Variants in ABHD13 observed in about 807,000 individuals in gnomAD.
ABHD13 encodes the protein abhydrolase domain containing 13, also known as protein ABHD13.
ABHD13 carries 7 observed loss-of-function variants against 25.2 expected under a neutral mutation model. The observed-to-expected ratio is 0.28, with a 90% CI of 0.16 to 0.52. The LOEUF (loss-of-function observed/expected upper bound fraction) is 0.52. Among genes scored for constraint, ABHD13 ranks in the 20% least tolerant of loss-of-function variants. The pLI, the probability that ABHD13 is intolerant of heterozygous loss-of-function variation, is 0.96. For synonymous variants in ABHD13, 133 were observed against 136.1 expected, an observed-to-expected ratio of 0.98 and a Z score of 0.16; for missense variants, 302 against 402.7, an observed-to-expected ratio of 0.75 and a Z score of 2.14.
At chr13:108,221,886 TG>T (rs1879576641) in intron 1 of ABHD13, among the ~76,000 whole-genome samples, 1 of 152,028 alleles carries the variant, frequency 6.6e-6, no homozygotes, top group Middle Eastern at 3.2e-3. Flanking sequence ...TCACCCAGGT[TG>T]GAGTGCAGTG....
chr13:108,219,391 G>A (rs1879493677), intron 1 of ABHD13, among the ~76,000 whole-genome samples: 1 of 152,184 alleles, frequency 6.6e-6, no homozygotes, highest in Admixed American at 6.5e-5. Flanking sequence ...GATAGTAACT[G>A]GATAGAAAGA....
In ABHD13 at chr13:108,233,180, G is replaced by T. The variant is rs1171919217; in HGVS notation, c.*2948G>T. 2 of 166,654 alleles carry T rather than the reference G, an allele frequency of 1.2e-5. No individual in the cohort carries two copies. The highest frequency in any genetic ancestry group is 4.8e-5 in the African/African-American group (2 of 41,376). The allele number at this position is 166,654 out of a possible 1,614,324, so 10.3% of individuals were successfully genotyped here. A position where few individuals can be genotyped will look rare whatever the true frequency, so the allele number is the denominator to read the frequency against. On this transcript the variant is annotated 3_prime_UTR_variant, in exon 2 of 2. Transcript: ENST00000375898. ...TGATATTTACATAGATTACAGCTTT[G>T]GTAATATGTCACTGGAGTAATTACG...
chr13:108,227,793 A>G (rs12855465), intron 1 of ABHD13, among the ~76,000 whole-genome samples: 8,815 of 152,130 alleles, frequency 0.058, 250 homozygotes, highest in East Asian at 0.11. Context: ...ACTGGAAATA[A>G]GTGATAAATA....
At chr13:108,224,354 G>C (rs1879630417) in intron 1 of ABHD13, among the ~76,000 whole-genome samples, 2 of 152,176 alleles carry the variant, frequency 1.3e-5, no homozygotes, top group South Asian at 4.1e-4. Context: ...TCTTACGGAA[G>C]AGGCTGGGAA....
chr13:108,230,162 T>C lies in ABHD13; in HGVS notation c.944T>C (p.Ile315Thr). ...QGYFTALEQF[I>T]KEVVKSHSPE... is the part of the protein sequence containing the mutation. ...TATTTCACTGCACTTGAACAGTTCATCAAAGAAGTCGTAAAGAGCCATTCT... is the reference window on the plus strand; with the variant it reads ...TATTTCACTGCACTTGAACAGTTCACCAAAGAAGTCGTAAAGAGCCATTCT... The change falls in exon 2 of 2, where the codon ATC becomes ACC. Residue 315 changes from isoleucine to threonine, a missense_variant. Coordinates refer to ENST00000375898, the MANE Select transcript of ABHD13 (RefSeq NM_032859.3). 6.2e-7 allele frequency: 1 copy of C among 1,612,332 alleles called. No individual in the cohort carries two copies. The highest frequency in any genetic ancestry group is 1.3e-5 in the African/African-American group (1 of 74,946).
chr13:108,229,543 G>C lies in ABHD13; in HGVS notation c.325G>C (p.Asp109His). Residue 109 changes from aspartate to histidine, a missense_variant, in exon 2 of 2, where the codon GAC becomes CAC. By Grantham distance (81) the Asp-to-His change is moderately conservative (BLOSUM62 -1). Transcript: ENST00000375898. This position sits in a 1 kb window ranked among gnomAD's most constrained non-coding sequence, Gnocchi z 4.7. ...LNLILIRYTG[D>H]NSPYSPTIIY... is the part of the protein sequence containing the mutation. ...TCTTATTTTGATACGATACACTGGA[G>C]ACAATTCACCCTATTCCCCAACTAT... 1.2e-6 allele frequency: 2 copies of C among 1,613,338 alleles called. No individual in the cohort carries two copies. The highest frequency in any genetic ancestry group is 2.2e-5 in the South Asian group (2 of 91,058).
chr13:108,225,040 T>C (rs975537774), intron 1 of ABHD13, among the ~76,000 whole-genome samples: 1 of 151,796 alleles, frequency 6.6e-6, no homozygotes, highest in African/African-American at 2.4e-5. Context: ...CAAAAGTTGT[T>C]TCTAAGGTTG....
chr13:108,231,516 TCTTA>T lies in ABHD13; in HGVS notation c.*1289_*1292del, dbSNP rs1400869173. The T allele has an allele frequency of 1.8e-5, 3 of 166,720 alleles. No homozygotes were observed. The highest frequency in any genetic ancestry group is 7.2e-5 in the African/African-American group (3 of 41,386). 10.3% of individuals were successfully genotyped at this position (166,720 alleles called of 1,614,324 possible). ...TTAGATGTATAGAAAAGTAAGAAAA[TCTTA>T]CTTAGAAAAAAGCCCCTTGAAACTT... On this transcript the variant is annotated 3_prime_UTR_variant, in exon 2 of 2. Transcript: ENST00000375898.
intron 1 of ABHD13, among the ~76,000 whole-genome samples, chr13:108,220,341 G>A (rs952157263): frequency 9.9e-5 from 15 of 152,204 alleles, no homozygotes; most frequent in African/African-American, 3.6e-4. Context: ...TAACCAAATT[G>A]CCCTGGGCTA....
intron 1 of ABHD13, among the ~76,000 whole-genome samples, chr13:108,223,383 A>G (rs1311097505): frequency 2.0e-5 from 3 of 152,246 alleles, no homozygotes; most frequent in African/African-American, 7.2e-5. Flanking sequence ...TCAGCTCACA[A>G]TTCAAATGTA....
At chr13:108,223,645 C>G (rs1447515053) in intron 1 of ABHD13, among the ~76,000 whole-genome samples, 1 of 152,202 alleles carries the variant, frequency 6.6e-6, no homozygotes, top group Non-Finnish European at 1.5e-5. Context: ...TTTTACCCAT[C>G]ATTGCTTATG....
At position 108,229,689 on chromosome 13, in the gene ABHD13, A is replaced by G. The variant is rs1879753469; in HGVS notation, c.471A>G (p.Glu157=). ...ATTATCGAGGATATGGAAAAAGTGA[A>G]GGAGAAGCAAGTGAAGAAGGACTCT... is the stretch of plus-strand genomic sequence containing the variant. ...LVDYRGYGKS[E]GEASEEGLYL... Residue 157 remains glutamate (E), a synonymous_variant, in exon 2 of 2, where the codon GAA becomes GAG. Transcript: ENST00000375898. The surrounding 1 kb of genome is among the most constrained non-coding windows in gnomAD (Gnocchi z 4.7). 6.2e-7 allele frequency: 1 copy of G among 1,613,254 alleles called. No individual in the cohort carries two copies. Among genetic ancestry groups the G allele is most frequent in the African/African-American group, 1.3e-5 (1 of 74,864 alleles).
intron 1 of ABHD13, among the ~76,000 whole-genome samples, chr13:108,225,398 G>A (rs1879653658): frequency 6.6e-6 from 1 of 152,150 alleles, no homozygotes; most frequent in Non-Finnish European, 1.5e-5. Flanking sequence ...TATCCTAAAT[G>A]AGTGGAGAAG....
At chr13:108,225,493 A>G (rs753066882) in intron 1 of ABHD13, among the ~76,000 whole-genome samples, 1 of 152,128 alleles carries the variant, frequency 6.6e-6, no homozygotes, top group Non-Finnish European at 1.5e-5. Flanking sequence ...AGCAGATGAC[A>G]CTTTGGGGGT....
At chr13:108,222,742 TAGC>T (rs922670970) in intron 1 of ABHD13, among the ~76,000 whole-genome samples, 73 of 152,192 alleles carry the variant, frequency 4.8e-4, no homozygotes, top group African/African-American at 2.9e-4. Context: ...CATTTAAAAA[TAGC>T]AGTAGTAAGT....
Position 108,230,081 on chromosome 13 carries a change from A to G in ABHD13, c.863A>G (p.Lys288Arg). 6.2e-7 allele frequency: 1 copy of G among 1,613,178 alleles called. No homozygotes were observed. ...QLYELSPSRT[K>R]RLAIFPDGTH... is the part of the protein sequence containing the mutation. ...TATGAACTCTCCCCATCTCGGACTA[A>G]GAGATTAGCCATTTTTCCAGATGGG... is the stretch of plus-strand genomic sequence containing the variant. The change falls in exon 2 of 2, where the codon AAG becomes AGG. Residue 288 changes from lysine to arginine, a missense_variant. Physicochemically the swap from Lys to Arg is conservative, Grantham distance 26 (BLOSUM62 2). Coordinates refer to ENST00000375898, the MANE Select transcript of ABHD13 (RefSeq NM_032859.3).
rs375222779 is a variant in ABHD13, at chr13:108,232,034, A to G, written c.*1802A>G. 6 of 166,756 alleles carry G rather than the reference A, an allele frequency of 3.6e-5. No individual in the cohort carries two copies. The highest frequency in any genetic ancestry group is 2.0e-4 in the Admixed American group (3 of 15,224). 10.3% of individuals were successfully genotyped at this position (166,756 alleles called of 1,614,324 possible). On this transcript the variant is annotated 3_prime_UTR_variant, in exon 2 of 2. Transcript: ENST00000375898. ...TTCTAAATATTAATGTATTAAAAAG[A>G]AAATACAACAAAATGTATATTTAGA...
At chr13:108,220,116 T>A (rs974900727) in intron 1 of ABHD13, among the ~76,000 whole-genome samples, 1 of 152,192 alleles carries the variant, frequency 6.6e-6, no homozygotes, top group African/African-American at 2.4e-5. Flanking sequence ...AGGAAATATA[T>A]ATTTAGAGAG....
In ABHD13 at chr13:108,229,168, A is replaced by G. The variant is rs1226455113; in HGVS notation, c.-20-31A>G. 6.9e-7 allele frequency: 1 copy of G among 1,447,958 alleles called. No homozygotes were observed. Among genetic ancestry groups the G allele is most frequent in the Non-Finnish European group, 9.3e-7 (1 of 1,078,118 alleles). 89.7% of individuals were successfully genotyped at this position (1,447,958 alleles called of 1,614,324 possible). A position where few individuals can be genotyped will look rare whatever the true frequency, so the allele number is the denominator to read the frequency against. On this transcript the variant is annotated intron_variant, in intron 1 of 1. Transcript: ENST00000375898. This position sits in a 1 kb window ranked among gnomAD's most constrained non-coding sequence, Gnocchi z 4.7. ...TTTTTAAAAGAATAGATAGACGTTGAATTATTGATATTCTCCCTCTCTCTC... is the reference window on the plus strand; with the variant it reads ...TTTTTAAAAGAATAGATAGACGTTGGATTATTGATATTCTCCCTCTCTCTC...
Sources: gnomAD v4.1 joint callset for allele counts (sites outside exome capture counted in the v4.1 genomes callset) on GRCh38, gnomAD v4.1.1 for gene constraint, Gnocchi (gnomAD v3.1) non-coding constraint, MANE v1.5 for transcripts, NCBI Gene and HGNC (gene_info 2026-07-23, HGNC 2026-07-21) for gene names.